The following PDE4D variants were observed in gnomAD, a reference collection of about 807,000 sequenced individuals.
PDE4D encodes the protein 3',5'-cyclic-AMP phosphodiesterase 4D.
Under a neutral mutation model 87.4 loss-of-function variants are expected in PDE4D, and 24 were observed. That is an observed-to-expected ratio of 0.27 (90% confidence interval 0.20 to 0.39). The LOEUF (loss-of-function observed/expected upper bound fraction) is 0.39. PDE4D is among the 10% of genes least tolerant of loss of function. PDE4D has a pLI of 1.00. For synonymous variants in PDE4D, 384 were observed against 383.2 expected, an observed-to-expected ratio of 1.00 and a Z score of -0.02; for missense variants, 714 against 1,041.0, an observed-to-expected ratio of 0.69 and a Z score of 4.32.
chr5:59,327,416 G>T (rs534965113), intron 1 of PDE4D, among the ~76,000 whole-genome samples: 1 of 152,058 alleles, frequency 6.6e-6, no homozygotes, highest in African/African-American at 2.4e-5. Context: ...CCAGGAGACT[G>T]GGGGAAGGAA....
intron 1 of PDE4D, among the ~76,000 whole-genome samples, chr5:59,805,928 A>G (rs954905066): frequency 2.6e-5 from 4 of 152,184 alleles, no homozygotes; most frequent in African/African-American, 9.7e-5. Context: ...TCACTCTCCT[A>G]TTGAGTCTCT....
At chr5:59,566,540 G>A (rs1316113752) in intron 1 of PDE4D, among the ~76,000 whole-genome samples, 6 of 24,310 alleles carry the variant, frequency 2.5e-4, no homozygotes, top group Non-Finnish European at 5.1e-4. Context: ...TTTCATGTGT[G>A]TGTGTGTGTG....
intron 1 of PDE4D, among the ~76,000 whole-genome samples, chr5:60,271,469 A>G (rs1750800503): frequency 6.6e-6 from 1 of 152,212 alleles, no homozygotes; most frequent in Non-Finnish European, 1.5e-5. Context: ...TCCTTTTAAC[A>G]TTAATCCTAT....
intron 1 of PDE4D, among the ~76,000 whole-genome samples, chr5:59,606,944 GA>G (rs1051739397): frequency 9.9e-5 from 15 of 151,788 alleles, no homozygotes; most frequent in South Asian, 2.1e-4. Flanking sequence ...AGAAGGGGGG[GA>G]AGGGGACATG....
intron 1 of PDE4D, among the ~76,000 whole-genome samples, chr5:60,324,393 C>T (rs1173437399): frequency 6.6e-6 from 1 of 152,214 alleles, no homozygotes; most frequent in African/African-American, 2.4e-5. Context: ...GGACCCAGCA[C>T]AGTGCCTAAA....
In PDE4D at chr5:60,518,307, G is replaced by A. The variant is rs1168912131; in HGVS notation, n.70+3744C>T. Among the ~76,000 whole-genome samples the A allele has an allele frequency of 3.3e-5, 5 of 152,222 alleles. No individual in the cohort carries two copies. In the East Asian group the frequency reaches 9.6e-4, roughly 29 times the overall value. ...GCTGAGTGGGCAGAACCAGCCCAGTGGGCCCGAGCAAAACTCAGGCAAAGG... is the reference window on the plus strand; with the variant it reads ...GCTGAGTGGGCAGAACCAGCCCAGTAGGCCCGAGCAAAACTCAGGCAAAGG... On this transcript the variant is annotated intron_variant and non_coding_transcript_variant, in intron 1 of 2. Coordinates refer to the PDE4D transcript ENST00000506510.
intron 1 of PDE4D, among the ~76,000 whole-genome samples, chr5:59,576,514 C>A (rs1361604703): frequency 6.6e-6 from 1 of 151,908 alleles, no homozygotes; most frequent in Non-Finnish European, 1.5e-5. Flanking sequence ...ATTTATCATT[C>A]TTTTCTGTAC....
chr5:59,685,629 TCAAGTC>T (rs1749728387), intron 1 of PDE4D, among the ~76,000 whole-genome samples: 2 of 152,200 alleles, frequency 1.3e-5, no homozygotes, highest in African/African-American at 4.8e-5. Flanking sequence ...TTTTCTTTTC[TCAAGTC>T]TTTTAAACTA....
intron 1 of PDE4D, among the ~76,000 whole-genome samples, chr5:59,801,271 TA>T (rs1315551062): frequency 1.3e-5 from 2 of 152,228 alleles, no homozygotes; most frequent in Non-Finnish European, 2.9e-5. Context: ...ATCTAAATTA[TA>T]AAATGGCTAC....
intron 5 of PDE4D, among the ~76,000 whole-genome samples, chr5:59,045,203 A>T (rs1158600248): frequency 6.6e-6 from 1 of 152,146 alleles, no homozygotes; most frequent in African/African-American, 2.4e-5. Context: ...AATAAAAGAG[A>T]GTGGGAAGGA....
chr5:59,744,503 T>C (rs554257042), intron 1 of PDE4D, among the ~76,000 whole-genome samples: 1 of 152,302 alleles, frequency 6.6e-6, no homozygotes, highest in South Asian at 2.1e-4. Flanking sequence ...GGCCCTAGTA[T>C]AAAGCCTGAC....
intron 1 of PDE4D, among the ~76,000 whole-genome samples, chr5:59,357,418 T>C (rs1304312177): frequency 2.6e-5 from 4 of 152,258 alleles, no homozygotes; most frequent in African/African-American, 7.2e-5. Context: ...GATATAATTC[T>C]TAGCCAACCT....
At chr5:59,823,061 C>G (rs1769891619) in intron 1 of PDE4D, among the ~76,000 whole-genome samples, 1 of 152,216 alleles carries the variant, frequency 6.6e-6, no homozygotes, top group Non-Finnish European at 1.5e-5. Context: ...TTGATTTTCT[C>G]TAGCTATAGA....
chr5:59,152,587 T>C (rs916194554), intron 5 of PDE4D, among the ~76,000 whole-genome samples: 1 of 152,204 alleles, frequency 6.6e-6, no homozygotes, highest in Admixed American at 6.5e-5. Flanking sequence ...TACATGAAGC[T>C]AAACCGGTCA....
intron 1 of PDE4D, among the ~76,000 whole-genome samples, chr5:59,509,487 G>C (rs1223296456): frequency 6.7e-6 from 1 of 150,062 alleles, no homozygotes; most frequent in Admixed American, 6.6e-5. Context: ...CACCAAAGAT[G>C]ACTTACTACA....
chr5:59,231,786 G>C (rs1340333142), intron 1 of PDE4D, among the ~76,000 whole-genome samples: 1 of 152,038 alleles, frequency 6.6e-6, no homozygotes, highest in Non-Finnish European at 1.5e-5. Context: ...ACTTCATTTA[G>C]GTTTTTTGTT....
At chr5:59,906,413 C>A (rs1752824106) in intron 3 of PDE4D, among the ~76,000 whole-genome samples, 1 of 152,096 alleles carries the variant, frequency 6.6e-6, no homozygotes, top group Non-Finnish European at 1.5e-5. Context: ...GCACATACTG[C>A]AATGAAACAG....
intron 1 of PDE4D, among the ~76,000 whole-genome samples, chr5:59,307,859 G>A (rs1032845509): frequency 1.4e-4 from 22 of 151,986 alleles, no homozygotes; most frequent in Admixed American, 2.6e-4. Context: ...TCCCATTACC[G>A]GGTATATACC....
intron 2 of PDE4D, among the ~76,000 whole-genome samples, chr5:60,140,966 G>C (rs777128343): frequency 5.3e-5 from 8 of 152,126 alleles, no homozygotes; most frequent in Non-Finnish European, 1.5e-5. Context: ...GCCAAAGCTA[G>C]GAAGGCAACT....
Sources: gnomAD v4.1 joint callset for allele counts (sites outside exome capture counted in the v4.1 genomes callset) on GRCh38, gnomAD v4.1.1 for gene constraint, MANE v1.5 for transcripts, NCBI Gene and HGNC (gene_info 2026-07-23, HGNC 2026-07-21) for gene names.